BLTP2: variants seen among roughly 807,000 people sequenced by gnomAD.
The protein encoded by BLTP2 is bridge-like lipid transfer protein family member 2.
chr17:28,636,941 C>G, the BLTP2 span: 1 of 1,602,578 alleles, frequency 6.2e-7, no homozygotes, highest in Non-Finnish European at 8.5e-7. Context: ...CCAGCCTGGC[C>G]CCACCTCTCC....
chr17:28,638,699 T>C, the BLTP2 span: 14 of 1,009,866 alleles, frequency 1.4e-5, no homozygotes, highest in Admixed American at 2.1e-5. Context: ...CTTCCTATCA[T>C]GGAACAGTTT....
chr17:28,633,217 G>A, the BLTP2 span: 1 of 1,597,016 alleles, frequency 6.3e-7, no homozygotes, highest in Non-Finnish European at 8.6e-7. Context: ...CTTCCCCTTG[G>A]CTCTTCCCCC....
At chr17:28,642,338 G>A in the BLTP2 span, 6 of 1,614,076 alleles carry the variant, frequency 3.7e-6, no homozygotes, top group Middle Eastern at 1.6e-4. Flanking sequence ...AGATTAGCCT[G>A]GGAAAGGAAA....
chr17:28,643,431 T>A, the BLTP2 span: 10 of 1,443,840 alleles, frequency 6.9e-6, no homozygotes, highest in Non-Finnish European at 8.7e-6. Context: ...CAGAGATTAG[T>A]TTCATAGCAG....
the BLTP2 span, chr17:28,634,503 G>T: frequency 6.2e-7 from 1 of 1,601,618 alleles, no homozygotes; most frequent in Admixed American, 1.7e-5. Context: ...GCAAATAAAG[G>T]AAACACTACT....
chr17:28,643,138 C>T, the BLTP2 span: 1 of 1,614,048 alleles, frequency 6.2e-7, no homozygotes, highest in East Asian at 2.2e-5. Context: ...AAGTACAGTC[C>T]AGGATAGCAG....
the BLTP2 span, among the ~76,000 whole-genome samples, chr17:28,620,302 A>G: frequency 3.3e-5 from 5 of 152,240 alleles, no homozygotes; most frequent in African/African-American, 1.2e-4. Context: ...GAAAACAATC[A>G]GGCAAACAAG....
At chr17:28,622,386 C>A in the BLTP2 span, among the ~76,000 whole-genome samples, 4 of 152,112 alleles carry the variant, frequency 2.6e-5, no homozygotes, top group African/African-American at 7.2e-5. Flanking sequence ...CTGGATTAAG[C>A]CCTAAGGTCC....
chr17:28,637,519 C>T, the BLTP2 span, among the ~76,000 whole-genome samples: 3 of 152,048 alleles, frequency 2.0e-5, no homozygotes, highest in Admixed American at 6.5e-5. Flanking sequence ...TAAGAAATAC[C>T]AAGAAGTCTA....
the BLTP2 span, chr17:28,617,430 C>A: frequency 2.9e-6 from 2 of 685,052 alleles, no homozygotes; most frequent in East Asian, 2.7e-5. Flanking sequence ...CTAATCCCAA[C>A]CTTGAGATCT....
At chr17:28,628,449 A>G in the BLTP2 span, 2 of 1,614,158 alleles carry the variant, frequency 1.2e-6, no homozygotes, top group Non-Finnish European at 1.7e-6. Flanking sequence ...TGTACCCATC[A>G]TATAACCCAA....
At chr17:28,627,379 T>TC in the BLTP2 span, among the ~76,000 whole-genome samples, 2 of 151,486 alleles carry the variant, frequency 1.3e-5, no homozygotes, top group Non-Finnish European at 2.9e-5. Context: ...CTGATGGTAT[T>TC]CCCCCCTTCA....
the BLTP2 span, chr17:28,637,961 A>C: frequency 6.2e-7 from 1 of 1,614,226 alleles, no homozygotes; most frequent in Non-Finnish European, 8.5e-7. Flanking sequence ...TTGTGGACCC[A>C]TCAGGGATAA....
At chr17:28,631,922 G>A in the BLTP2 span, 1 of 1,613,946 alleles carries the variant, frequency 6.2e-7, no homozygotes, top group Non-Finnish European at 8.5e-7. Flanking sequence ...TAATGTACCT[G>A]GCAACAAGAG....
chr17:28,636,919 C>A, the BLTP2 span: 1 of 1,448,192 alleles, frequency 6.9e-7, no homozygotes, highest in Middle Eastern at 2.2e-4. Context: ...AGGCTCTAAG[C>A]TGAGGAAAAA....
chr17:28,618,989 A>C, the BLTP2 span: 175 of 1,606,020 alleles, frequency 1.1e-4, no homozygotes, highest in Non-Finnish European at 1.5e-4. Context: ...TGGACAGGGG[A>C]GCCAAAGCCA....
the BLTP2 span, chr17:28,635,586 G>A: frequency 5.0e-6 from 8 of 1,613,696 alleles, no homozygotes; most frequent in Admixed American, 1.2e-4. Context: ...TCCAAAGTAA[G>A]GTCAGCCCTG....
the BLTP2 span, among the ~76,000 whole-genome samples, chr17:28,620,237 G>A: frequency 6.6e-6 from 1 of 152,208 alleles, no homozygotes; most frequent in Non-Finnish European, 1.5e-5. Flanking sequence ...TGGAAGCAGG[G>A]AATAGTAAAT....
At chr17:28,615,472 A>G in the BLTP2 span, among the ~76,000 whole-genome samples, 1 of 152,238 alleles carries the variant, frequency 6.6e-6, no homozygotes, top group East Asian at 1.9e-4. Context: ...GTGCTATACG[A>G]AACACTCAGT....
Sources: allele counts gnomAD v4.1 joint callset (sites outside exome capture counted in the v4.1 genomes callset), GRCh38; gene constraint gnomAD v4.1.1; transcripts MANE v1.5; gene names NCBI Gene and HGNC (gene_info 2026-07-23, HGNC 2026-07-21).